The following DISC1 variants were observed in gnomAD, a reference collection of about 807,000 sequenced individuals.
DISC1 encodes the protein DISC1 scaffold protein, also known as disrupted in schizophrenia 1 protein.
In DISC1, 57 loss-of-function variants were observed where a neutral mutation model predicts 84.5. The ratio of observed to expected loss-of-function variants is 0.67; its 90% CI spans 0.55 to 0.84. DISC1 has a LOEUF of 0.84. Ranked by LOEUF, DISC1 falls within the 40% of genes least tolerant of loss-of-function variation. The pLI is 0.00. For missense variants in DISC1, 1,000 were observed against 1,057.8 expected, an observed-to-expected ratio of 0.95 and a Z score of 0.76; for synonymous variants, 411 against 415.2, an observed-to-expected ratio of 0.99 and a Z score of 0.12.
At chr1:231,731,644 G>A (rs201182142) in intron 3 of DISC1, among the ~76,000 whole-genome samples, 1 of 151,980 alleles carries the variant, frequency 6.6e-6, no homozygotes, top group Non-Finnish European at 1.5e-5. Context: ...TTAATTTTGT[G>A]CACTGAAAGA....
At chr1:232,032,355 A>G (rs1037233445) in intron 12 of DISC1, among the ~76,000 whole-genome samples, 1 of 152,214 alleles carries the variant, frequency 6.6e-6, no homozygotes, top group African/African-American at 2.4e-5. Context: ...AAAGAATTCC[A>G]GGATCTTTTG....
intron 9 of DISC1, among the ~76,000 whole-genome samples, chr1:231,924,801 C>A (rs1011493793): frequency 1.3e-5 from 2 of 151,810 alleles, no homozygotes; most frequent in Non-Finnish European, 2.9e-5. Flanking sequence ...GGATTACAGG[C>A]GCCTGCCACC....
chr1:231,702,170 C>T, intron 3 of DISC1, 146 bp downstream of exon 3: 2 of 1,419,990 alleles, frequency 1.4e-6, no homozygotes, highest in Non-Finnish European at 1.8e-6. Flanking sequence ...GACTCTTTTA[C>T]AGCATTATTG....
At chr1:231,836,709 C>T (rs2082654063) in intron 9 of DISC1, among the ~76,000 whole-genome samples, 2 of 152,128 alleles carry the variant, frequency 1.3e-5, no homozygotes, top group African/African-American at 4.8e-5. Flanking sequence ...CTTATCTATC[C>T]ACACATTCAC....
At chr1:232,030,467 C>T (rs765635732) in intron 12 of DISC1, among the ~76,000 whole-genome samples, 3 of 152,162 alleles carry the variant, frequency 2.0e-5, no homozygotes, top group East Asian at 3.9e-4. Flanking sequence ...CAGTCATAGA[C>T]GAGGTAGAGA....
chr1:231,755,392 T>C (rs1406097173), intron 4 of DISC1, among the ~76,000 whole-genome samples: 1 of 151,946 alleles, frequency 6.6e-6, no homozygotes. Flanking sequence ...GCTTTTCCTC[T>C]CTTCTCACTT....
At chr1:231,798,724 A>G (rs552399800) in intron 7 of DISC1, among the ~76,000 whole-genome samples, 2 of 152,258 alleles carry the variant, frequency 1.3e-5, no homozygotes, top group Admixed American at 1.3e-4. Flanking sequence ...GCCCAACATC[A>G]CCAGTGCATG....
At chr1:231,697,078 G>A (rs1044048086) in intron 2 of DISC1, among the ~76,000 whole-genome samples, 1 of 152,196 alleles carries the variant, frequency 6.6e-6, no homozygotes, top group African/African-American at 2.4e-5. Context: ...CTGTGATGAG[G>A]TGGGCTGGTC....
In DISC1 at chr1:231,630,625, C is replaced by G. The variant is rs1042924382; in HGVS notation, c.67+3691C>G. ...CACCGGTGAAGAGCCATTTTTCAGT[C>G]AGCACCGTTTAGTAATATAAGACTT... is the stretch of plus-strand genomic sequence containing the variant. On this transcript the variant is annotated intron_variant, in intron 1 of 12. Transcript: ENST00000439617. The surrounding 1 kb of genome is among the most constrained non-coding windows in gnomAD (Gnocchi z 4.4). Among the ~76,000 whole-genome samples, 1 of 152,168 alleles carries G rather than the reference C, an allele frequency of 6.6e-6. No individual in the cohort carries two copies. Among genetic ancestry groups the G allele is most frequent in the Non-Finnish European group, 1.5e-5 (1 of 68,040 alleles).
intron 11 of DISC1, among the ~76,000 whole-genome samples, chr1:232,017,987 G>A (rs989769795): frequency 7.2e-5 from 11 of 152,070 alleles, no homozygotes; most frequent in South Asian, 2.1e-4. Context: ...GGTGTAACCC[G>A]TCTGCTCAAA....
chr1:231,766,006 A>G (rs1187470590), intron 4 of DISC1, among the ~76,000 whole-genome samples: 1 of 152,042 alleles, frequency 6.6e-6, no homozygotes, highest in Non-Finnish European at 1.5e-5. Flanking sequence ...AAAAAGATTA[A>G]GGGCCAGGTG....
intron 8 of DISC1, among the ~76,000 whole-genome samples, chr1:231,814,704 AG>A (rs2080722245): frequency 6.6e-6 from 1 of 152,074 alleles, no homozygotes; most frequent in Admixed American, 6.5e-5. Flanking sequence ...CCTTTCTTCA[AG>A]TTTTGAATGC....
intron 9 of DISC1, among the ~76,000 whole-genome samples, chr1:231,864,672 AAAC>A (rs1472888744): frequency 6.6e-6 from 1 of 152,106 alleles, no homozygotes; most frequent in Admixed American, 6.5e-5. Flanking sequence ...AAACAAAATA[AAAC>A]AACAACAACA....
chr1:231,835,949 G>GTA (rs2082602530), intron 9 of DISC1, among the ~76,000 whole-genome samples: 1 of 152,190 alleles, frequency 6.6e-6, no homozygotes, highest in South Asian at 2.1e-4. Flanking sequence ...TCCACTCTGT[G>GTA]TATTAATATG....
chr1:231,658,954 A>G (rs2061358267), intron 1 of DISC1, among the ~76,000 whole-genome samples: 1 of 151,346 alleles, frequency 6.6e-6, no homozygotes, highest in South Asian at 2.1e-4. Context: ...TTTTTGTTGT[A>G]TCTCTGCCAG....
At chr1:231,803,696 C>G (rs2079461048) in intron 8 of DISC1, among the ~76,000 whole-genome samples, 1 of 152,070 alleles carries the variant, frequency 6.6e-6, no homozygotes. Flanking sequence ...CGCCTATAAT[C>G]CCAGCACTTT....
At chr1:231,915,991 G>A (rs2089594725) in intron 9 of DISC1, among the ~76,000 whole-genome samples, 2 of 152,134 alleles carry the variant, frequency 1.3e-5, no homozygotes, top group South Asian at 2.1e-4. Context: ...TTCTTGCAGG[G>A]GGTGGATTAT....
At chr1:231,629,034 A>G (rs1407997209) in intron 1 of DISC1, among the ~76,000 whole-genome samples, 3 of 152,032 alleles carry the variant, frequency 2.0e-5, no homozygotes, top group Admixed American at 2.0e-4. Context: ...ACCAGGCCCA[A>G]CCTCCATCCT....
chr1:231,936,372 G>T, intron 9 of DISC1, among the ~76,000 whole-genome samples: 1 of 152,112 alleles, frequency 6.6e-6, no homozygotes, highest in Non-Finnish European at 1.5e-5. Context: ...GCTCTAGGCT[G>T]GTCAGTTATA....
Sources: gnomAD v4.1 joint callset for allele counts (sites outside exome capture counted in the v4.1 genomes callset) on GRCh38, gnomAD v4.1.1 for gene constraint, Gnocchi (gnomAD v3.1) non-coding constraint, MANE v1.5 for transcripts, NCBI Gene and HGNC (gene_info 2026-07-23, HGNC 2026-07-21) for gene names.